The following GRK7 variants were observed in gnomAD, a reference collection of about 807,000 sequenced individuals.
GRK7 encodes the protein rhodopsin kinase GRK7.
GRK7 carries 24 observed loss-of-function variants against 34.1 expected under a neutral mutation model. The observed-to-expected ratio is 0.70, with a 90% CI of 0.51 to 0.99. The LOEUF is 0.99. Among genes scored for constraint, GRK7 ranks in the 50% least tolerant of loss-of-function variants. GRK7 has a pLI of 0.00. For synonymous variants in GRK7, 256 were observed against 279.4 expected (o/e 0.92, Z 0.84); for missense variants, 644 against 707.3 (o/e 0.91, Z 1.02).
intron 5 of GRK7, among the ~76,000 whole-genome samples, chr3:141,814,470 T>C (rs1010997280): frequency 2.6e-5 from 4 of 152,204 alleles, no homozygotes; most frequent in Admixed American, 2.6e-4. Context: ...AGTGAAAACA[T>C]GCGGTACTTG....
chr3:141,766,453 G>A (rs1448221607), intron 1 of GRK7, among the ~76,000 whole-genome samples: 1 of 151,948 alleles, frequency 6.6e-6, no homozygotes, highest in Non-Finnish European at 1.5e-5. Context: ...GTGAGCCAAC[G>A]CACCTAGCCA....
At chr3:141,812,346 G>A (rs114887676) in intron 5 of GRK7, among the ~76,000 whole-genome samples, 12 of 152,312 alleles carry the variant, frequency 7.9e-5, no homozygotes, top group African/African-American at 2.6e-4. Context: ...ATGATGGGCC[G>A]AAAGAGCCCT....
chr3:141,766,500 G>A (rs116769072), intron 1 of GRK7, among the ~76,000 whole-genome samples: 7,134 of 151,418 alleles, frequency 0.047, 149 homozygotes, highest in South Asian at 0.084. Context: ...CTCCACTCTC[G>A]ATTACTTTTA....
At chr3:141,771,921 G>A (rs556394655) in intron 1 of GRK7, among the ~76,000 whole-genome samples, 1 of 151,494 alleles carries the variant, frequency 6.6e-6, no homozygotes, top group Non-Finnish European at 1.5e-5. Flanking sequence ...CTGACCTCAG[G>A]TGATCCACCC....
intron 1 of GRK7, among the ~76,000 whole-genome samples, chr3:141,769,713 G>A (rs1055527171): frequency 6.6e-6 from 1 of 152,114 alleles, no homozygotes; most frequent in Non-Finnish European, 1.5e-5. Context: ...TGCTAATGAG[G>A]AAAGACACCA....
intron 4 of GRK7, among the ~76,000 whole-genome samples, chr3:141,788,150 G>T (rs1259255080): frequency 1.3e-5 from 2 of 152,224 alleles, no homozygotes; most frequent in African/African-American, 4.8e-5. Context: ...GGTATGAGCT[G>T]TGCCTCCCTG....
rs1488410893 is a variant in GRK7, at chr3:141,764,609, A to C, written c.-1344A>C. ...TCAGTCCTTAGATTTCTCTGCCCTC[A>C]CCCCAGAGTGATCACACCCAGTCCT... is the stretch of plus-strand genomic sequence containing the variant. On this transcript the variant is annotated 5_prime_UTR_variant, in exon 1 of 6. Transcript: ENST00000682958. Among the ~76,000 whole-genome samples the C allele has an allele frequency of 6.6e-6, 1 of 151,916 alleles. No homozygotes were observed. The highest frequency in any genetic ancestry group is 2.4e-5 in the African/African-American group (1 of 41,332).
intron 4 of GRK7, among the ~76,000 whole-genome samples, chr3:141,792,265 A>C (rs975796035): frequency 4.6e-5 from 7 of 151,786 alleles, no homozygotes; most frequent in Admixed American, 4.6e-4. Context: ...TTAGCCGGGC[A>C]TTGTAGCACA....
chr3:141,801,377 A>T (rs2107890174), intron 4 of GRK7, among the ~76,000 whole-genome samples: 1 of 151,784 alleles, frequency 6.6e-6, no homozygotes, highest in Non-Finnish European at 1.5e-5. Flanking sequence ...ACACCACAGG[A>T]ATGCAGTCAG....
chr3:141,751,716 T>C, the GRK7 span, among the ~76,000 whole-genome samples: 1 of 152,222 alleles, frequency 6.6e-6, no homozygotes, highest in Non-Finnish European at 1.5e-5. Flanking sequence ...ACTAGCCACA[T>C]GTAGCTATGT....
chr3:141,812,806 G>A lies in GRK7; in HGVS notation c.1326-3908G>A, dbSNP rs6804412. The stretch of plus-strand genomic sequence containing the variant: ...CTCCCGAGTTACCAAGCTCCTGGGC[G>A]TCTCCATTTACTCATGTGAAAGCTG... On this transcript the variant is annotated intron_variant, in intron 5 of 5. Coordinates refer to ENST00000682958, the MANE Select transcript of GRK7 (RefSeq NM_139209.3). 4.3e-3 allele frequency among the ~76,000 whole-genome samples: 652 copies of A among 152,266 alleles called. 7 individuals are homozygous for A. The highest frequency in any genetic ancestry group is 0.015 in the African/African-American group (632 of 41,544).
At position 141,784,331 on chromosome 3, in the gene GRK7, C is replaced by T. The variant is rs911159517; in HGVS notation, c.1050+3520C>T. 6.6e-5 allele frequency among the ~76,000 whole-genome samples: 10 copies of T among 152,206 alleles called. No homozygotes were observed. The East Asian group carries it at 7.7e-4, about 12-fold the overall frequency. On this transcript the variant is annotated intron_variant, in intron 4 of 5. Coordinates refer to ENST00000682958, the MANE Select transcript of GRK7 (RefSeq NM_139209.3). ...GCCCTTTTACCTCTGCATCCCTCTC[C>T]GTCCCGTGAGACCACACTTCAGGGT...
upstream of GRK7, among the ~76,000 whole-genome samples, chr3:141,760,687 G>A (rs1224809318): frequency 4.0e-5 from 6 of 150,212 alleles, no homozygotes; most frequent in Non-Finnish European, 7.4e-5. Flanking sequence ...TTTCTGTCTC[G>A]TTGATCTGTC....
the GRK7 span, among the ~76,000 whole-genome samples, chr3:141,754,008 G>C: frequency 6.6e-6 from 1 of 152,198 alleles, no homozygotes; most frequent in Non-Finnish European, 1.5e-5. Flanking sequence ...TTATGTCTTT[G>C]ATAAAGCCAG....
intron 5 of GRK7, among the ~76,000 whole-genome samples, chr3:141,809,007 T>C (rs1261402747): frequency 1.3e-5 from 2 of 152,142 alleles, no homozygotes; most frequent in East Asian, 1.9e-4. Context: ...AAGACCAGCC[T>C]GGCCAAGATA....
chr3:141,775,112 GAA>G (rs1429451602), intron 2 of GRK7, among the ~76,000 whole-genome samples: 1 of 152,082 alleles, frequency 6.6e-6, no homozygotes, highest in East Asian at 1.9e-4. Context: ...TAATTAATAA[GAA>G]AGTGAACCAG....
chr3:141,792,002 TAA>T lies in GRK7; in HGVS notation c.1050+11214_1050+11215del, dbSNP rs11324121. On this transcript the variant is annotated intron_variant, in intron 4 of 5. Transcript: ENST00000682958. ...CTGGGAGACAGAGCGAGACTCCATC[TAA>T]AAAAAAAAAAAAAAAAAAAAAATTG... Among the ~76,000 whole-genome samples, 397 of 81,464 alleles carry T rather than the reference TAA, an allele frequency of 4.9e-3. 4 individuals are homozygous for T. Among genetic ancestry groups the T allele is most frequent in the African/African-American group, 0.014 (280 of 20,018 alleles). The allele number at this position is 81,464 out of a possible 152,430, so 53.4% of individuals were successfully genotyped here. A position where few individuals can be genotyped will look rare whatever the true frequency, so the allele number is the denominator to read the frequency against.
At chr3:141,762,237 C>T (rs573788289), upstream of GRK7, among the ~76,000 whole-genome samples, 161 of 152,078 alleles carry the variant, frequency 1.1e-3, no homozygotes, top group African/African-American at 3.8e-3. Context: ...TTATCCCCAT[C>T]TTTGTGGTTT....
the GRK7 span, among the ~76,000 whole-genome samples, chr3:141,755,889 A>T: frequency 9.9e-5 from 15 of 152,104 alleles, no homozygotes; most frequent in Non-Finnish European, 1.0e-4. Context: ...ACAAAACAAT[A>T]TTCAAAGCTG....
Sources: gnomAD v4.1 joint callset for allele counts (sites outside exome capture counted in the v4.1 genomes callset) on GRCh38, gnomAD v4.1.1 for gene constraint, MANE v1.5 for transcripts, NCBI Gene and HGNC (gene_info 2026-07-23, HGNC 2026-07-21) for gene names.